Variants in RSU1 observed in about 807,000 individuals in gnomAD.
RSU1 encodes rsu-1.
Under a neutral mutation model 31.1 loss-of-function variants are expected in RSU1, and 26 were observed. The observed-to-expected ratio is 0.84, with a 90% CI of 0.61 to 1.16. RSU1 has a LOEUF of 1.16. Among genes scored for constraint, RSU1 ranks in the 50% most tolerant of loss-of-function variants. RSU1 has a pLI of 0.00. For missense variants in RSU1, 320 were observed against 339.1 expected (o/e 0.94, Z 0.44); for synonymous variants, 164 against 136.3 (o/e 1.20, Z -1.41).
chr10:16,649,693 TA>T (rs57178808), intron 8 of RSU1, among the ~76,000 whole-genome samples: 1,807 of 152,328 alleles, frequency 0.012, 44 homozygotes, highest in African/African-American at 0.042. Context: ...GAATTTAGTA[TA>T]AAAATTCTCC....
intron 7 of RSU1, among the ~76,000 whole-genome samples, chr10:16,739,152 A>G (rs1398229428): frequency 6.6e-6 from 1 of 152,202 alleles, no homozygotes; most frequent in East Asian, 1.9e-4. Flanking sequence ...TGCTATTGTA[A>G]ATAGTGCTGC....
intron 8 of RSU1, among the ~76,000 whole-genome samples, chr10:16,658,713 G>A (rs1834833858): frequency 6.6e-6 from 1 of 152,178 alleles, no homozygotes; most frequent in African/African-American, 2.4e-5. Context: ...GACAGAGTGA[G>A]ACCCCATCTC....
intron 3 of RSU1, among the ~76,000 whole-genome samples, chr10:16,768,624 A>C (rs1837366510): frequency 6.6e-6 from 1 of 152,162 alleles, no homozygotes; most frequent in Non-Finnish European, 1.5e-5. Context: ...TGGTCACATC[A>C]CCCCAGAGAC....
chr10:16,723,779 A>G (rs1047558201), intron 7 of RSU1, among the ~76,000 whole-genome samples: 1 of 152,062 alleles, frequency 6.6e-6, no homozygotes, highest in African/African-American at 2.4e-5. Context: ...GCTGGGACAA[A>G]TGAGGGGGAA....
At chr10:16,602,529 T>C (rs754280284) in intron 8 of RSU1, among the ~76,000 whole-genome samples, 13 of 152,246 alleles carry the variant, frequency 8.5e-5, no homozygotes, top group African/African-American at 1.2e-4. Flanking sequence ...TACCATTTTC[T>C]GCAGGGCAGG....
chr10:16,740,271 A>C (rs563747213), intron 7 of RSU1, among the ~76,000 whole-genome samples: 3 of 152,320 alleles, frequency 2.0e-5, no homozygotes, highest in Admixed American at 6.5e-5. Flanking sequence ...AAAGCCACAT[A>C]GACATAGAAA....
intron 7 of RSU1, among the ~76,000 whole-genome samples, chr10:16,711,496 C>A (rs572673245): frequency 6.6e-6 from 1 of 152,202 alleles, no homozygotes; most frequent in African/African-American, 2.4e-5. Flanking sequence ...CATTAAAAAT[C>A]TCTCTTCTTT....
intron 8 of RSU1, among the ~76,000 whole-genome samples, chr10:16,649,301 G>A (rs1834636529): frequency 6.6e-6 from 1 of 152,080 alleles, no homozygotes; most frequent in Admixed American, 6.5e-5. Flanking sequence ...TCAGAGATAT[G>A]CATCTTATTT....
In RSU1 at chr10:16,592,015, G is replaced by A; in HGVS notation, c.*1379C>T. On this transcript the variant is annotated 3_prime_UTR_variant, in exon 9 of 9. Coordinates refer to ENST00000345264, the MANE Select transcript of RSU1 (RefSeq NM_012425.4). ...ACCTTGCTCTGTGGCCTCTCTGATT[G>A]AAATGCGAAGTCTGTTTCCTAAGTA... 6.6e-6 allele frequency: 1 copy of A among 152,246 alleles called. No homozygotes were observed. Among genetic ancestry groups the A allele is most frequent in the South Asian group, 2.1e-4 (1 of 4,834 alleles). The allele number at this position is 152,246 out of a possible 1,614,324, so 9.4% of individuals were successfully genotyped here.
intron 2 of RSU1, among the ~76,000 whole-genome samples, chr10:16,796,584 A>C (rs1838037994): frequency 6.6e-6 from 1 of 152,200 alleles, no homozygotes; most frequent in Non-Finnish European, 1.5e-5. Context: ...GCCACTGCTC[A>C]ACAAGTATGA....
intron 7 of RSU1, among the ~76,000 whole-genome samples, chr10:16,738,986 G>T (rs1296407831): frequency 3.3e-5 from 5 of 151,854 alleles, no homozygotes; most frequent in Non-Finnish European, 7.4e-5. Context: ...CCTATGTTAG[G>T]CTGCTGAGAA....
At chr10:16,722,822 G>C (rs916008625) in intron 7 of RSU1, among the ~76,000 whole-genome samples, 2 of 146,006 alleles carry the variant, frequency 1.4e-5, no homozygotes, top group Non-Finnish European at 3.0e-5. Flanking sequence ...ATATATACAT[G>C]TATACAGCCA....
chr10:16,817,083 G>A lies in RSU1; in HGVS notation c.-2C>T. ...CAACTTCTTCAGAGACTTGGACATG[G>A]TCTGCACCGAACAACAACAAAGCAC... On this transcript the variant is annotated splice_region_variant and 5_prime_UTR_variant, in exon 2 of 9. Coordinates refer to ENST00000345264, the MANE Select transcript of RSU1 (RefSeq NM_012425.4). 2 of 1,608,922 alleles carry A rather than the reference G, an allele frequency of 1.2e-6. No homozygotes were observed. The highest frequency in any genetic ancestry group is 1.7e-6 in the Non-Finnish European group (2 of 1,175,196).
chr10:16,679,794 C>T (rs1226240781), intron 8 of RSU1, among the ~76,000 whole-genome samples: 1 of 151,196 alleles, frequency 6.6e-6, no homozygotes, highest in Admixed American at 6.6e-5. Context: ...CTAGAGGATA[C>T]TGTGATGCAG....
chr10:16,655,423 C>T (rs1564302981), intron 8 of RSU1, among the ~76,000 whole-genome samples: 1 of 152,180 alleles, frequency 6.6e-6, no homozygotes, highest in Non-Finnish European at 1.5e-5. Flanking sequence ...TGATCAAATC[C>T]TCAGTTTGCT....
At chr10:16,791,171 C>T (rs535761557) in intron 2 of RSU1, among the ~76,000 whole-genome samples, 72 of 152,044 alleles carry the variant, frequency 4.7e-4, no homozygotes, top group Non-Finnish European at 8.4e-4. Flanking sequence ...GGGTTACAAG[C>T]ATGCACCACC....
At chr10:16,733,409 G>T (rs1836557071) in intron 7 of RSU1, among the ~76,000 whole-genome samples, 1 of 151,638 alleles carries the variant, frequency 6.6e-6, no homozygotes, top group African/African-American at 2.4e-5. Flanking sequence ...TCAAGAGGCT[G>T]AGGCAGGAGT....
intron 1 of RSU1, 112 bp downstream of exon 1, chr10:16,817,203 G>A (rs1564368514): frequency 1.4e-6 from 1 of 696,592 alleles, no homozygotes. Flanking sequence ...GGCGTCCGAG[G>A]GCGTCCCAGG....
chr10:16,650,390 C>T (rs1274696137), intron 8 of RSU1, among the ~76,000 whole-genome samples: 2 of 152,106 alleles, frequency 1.3e-5, no homozygotes, highest in African/African-American at 4.8e-5. Flanking sequence ...CCTATTGTTA[C>T]ATTTATCAAA....
Sources: gnomAD v4.1 joint callset for allele counts (sites outside exome capture counted in the v4.1 genomes callset) on GRCh38, gnomAD v4.1.1 for gene constraint, MANE v1.5 for transcripts, NCBI Gene and HGNC (gene_info 2026-07-23, HGNC 2026-07-21) for gene names.